Variants in NKAIN3 observed in about 807,000 individuals in gnomAD.
The protein encoded by NKAIN3 is sodium/potassium-transporting ATPase subunit beta-1-interacting protein 3.
NKAIN3 carries 25 observed loss-of-function variants against 30.2 expected under a neutral mutation model. That is an observed-to-expected ratio of 0.83 (90% CI 0.60 to 1.16). The LOEUF (loss-of-function observed/expected upper bound fraction) is 1.16, where lower values mean the gene tolerates loss of function less well. Among genes scored for constraint, NKAIN3 ranks in the 50% most tolerant of loss-of-function variants. The pLI, the probability that NKAIN3 is intolerant of heterozygous loss-of-function variation, is 0.00. For synonymous variants in NKAIN3, 91 were observed against 89.6 expected (o/e 1.02, Z -0.09); for missense variants, 225 against 254.1 (o/e 0.89, Z 0.78).
At chr8:62,991,351 A>ATGTATTTGTATTTTAAAG (rs1374616738) in intron 5 of NKAIN3, among the ~76,000 whole-genome samples, 1 of 152,194 alleles carries the variant, frequency 6.6e-6, no homozygotes, top group Non-Finnish European at 1.5e-5. Flanking sequence ...AAATACTAGG[A>ATGTATTTGTATTTTAAAG]ACTGCATGTA....
At chr8:62,431,460 C>A (rs914372267) in intron 1 of NKAIN3, among the ~76,000 whole-genome samples, 1 of 151,718 alleles carries the variant, frequency 6.6e-6, no homozygotes, top group Non-Finnish European at 1.5e-5. Context: ...TGGCTGAACC[C>A]ATTTGTGCTA....
intron 6 of NKAIN3, among the ~76,000 whole-genome samples, chr8:62,958,795 T>C (rs933465174): frequency 6.6e-6 from 1 of 152,166 alleles, no homozygotes; most frequent in Non-Finnish European, 1.5e-5. Context: ...AAGATTAAGC[T>C]CCATGTAGCA....
chr8:62,741,067 T>G (rs1815851777), intron 3 of NKAIN3, among the ~76,000 whole-genome samples: 1 of 152,070 alleles, frequency 6.6e-6, no homozygotes, highest in Non-Finnish European at 1.5e-5. Context: ...CTTAGTTTCT[T>G]TATGTCCTTG....
chr8:62,567,262 G>A (rs912590769), intron 1 of NKAIN3, among the ~76,000 whole-genome samples: 2 of 152,054 alleles, frequency 1.3e-5, no homozygotes, highest in Non-Finnish European at 2.9e-5. Context: ...GTTGGAAGAA[G>A]AAAAAGAGAG....
chr8:62,884,706 T>C (rs901375104), intron 4 of NKAIN3, among the ~76,000 whole-genome samples: 29 of 152,328 alleles, frequency 1.9e-4, no homozygotes, highest in African/African-American at 6.0e-4. Context: ...TTTCTTCTTG[T>C]GTGAATTTTG....
At chr8:62,301,915 C>T (rs1156297869) in intron 1 of NKAIN3, among the ~76,000 whole-genome samples, 1 of 152,032 alleles carries the variant, frequency 6.6e-6, no homozygotes, top group East Asian at 1.9e-4. Flanking sequence ...TCTATTTCAT[C>T]TTGGAAAGCC....
intron 1 of NKAIN3, among the ~76,000 whole-genome samples, chr8:62,480,508 T>G (rs1487032508): frequency 1.4e-5 from 2 of 145,962 alleles, no homozygotes. Flanking sequence ...ACTTGGCTAG[T>G]TAGGAAGGAA....
chr8:62,393,348 GA>G (rs899294425), intron 1 of NKAIN3, among the ~76,000 whole-genome samples: 2 of 151,792 alleles, frequency 1.3e-5, no homozygotes, highest in African/African-American at 4.8e-5. Flanking sequence ...TCCATTTATT[GA>G]AAACACGATC....
At chr8:62,462,773 G>T (rs1806037162) in intron 1 of NKAIN3, among the ~76,000 whole-genome samples, 1 of 152,128 alleles carries the variant, frequency 6.6e-6, no homozygotes, top group South Asian at 2.1e-4. Context: ...TGTGTTTCTG[G>T]TTCCTGGGGT....
intron 1 of NKAIN3, among the ~76,000 whole-genome samples, chr8:62,439,439 T>C (rs1167710030): frequency 1.3e-5 from 2 of 152,172 alleles, no homozygotes; most frequent in African/African-American, 4.8e-5. Context: ...ATTTAGCAGG[T>C]GTTTGAGCCT....
At position 62,690,078 on chromosome 8, in the gene NKAIN3, C is replaced by T. The variant is rs192719153; in HGVS notation, c.274-56854C>T. Among the ~76,000 whole-genome samples the T allele has an allele frequency of 3.3e-5, 5 of 152,298 alleles. No homozygotes were observed. The East Asian group carries it at 9.6e-4, about 29-fold the overall frequency. ...TCTTTAAGTTCGGCTCCGTTCTTGA[C>T]CCACCCCACCCATCTGAATTAGCTT... On this transcript the variant is annotated intron_variant, in intron 3 of 6. Coordinates refer to ENST00000623646, the MANE Select transcript of NKAIN3 (RefSeq NM_001304533.3).
intron 4 of NKAIN3, among the ~76,000 whole-genome samples, chr8:62,900,012 C>T (rs1479823012): frequency 7.1e-6 from 1 of 141,026 alleles, no homozygotes; most frequent in African/African-American, 2.7e-5. Flanking sequence ...CACTTATACC[C>T]CTAAAGCTAC....
At chr8:62,417,331 T>C (rs567393622) in intron 1 of NKAIN3, among the ~76,000 whole-genome samples, 1 of 152,314 alleles carries the variant, frequency 6.6e-6, no homozygotes. Flanking sequence ...TGAATAGTAC[T>C]CCATTGTGTA....
chr8:62,838,881 A>T (rs1819447232), intron 4 of NKAIN3, among the ~76,000 whole-genome samples: 1 of 152,140 alleles, frequency 6.6e-6, no homozygotes, highest in African/African-American at 2.4e-5. Context: ...AAAATAAAAG[A>T]GTGATTTTTT....
intron 3 of NKAIN3, among the ~76,000 whole-genome samples, chr8:62,654,191 T>G (rs1336112545): frequency 6.6e-6 from 1 of 151,680 alleles, no homozygotes; most frequent in Non-Finnish European, 1.5e-5. Flanking sequence ...ACAATTGAGT[T>G]CATAAAAATT....
intron 1 of NKAIN3, among the ~76,000 whole-genome samples, chr8:62,270,376 C>G (rs534440813): frequency 1.3e-4 from 20 of 152,002 alleles, no homozygotes; most frequent in Non-Finnish European, 2.4e-4. Context: ...GCCCCTGGGC[C>G]CAGCCCATAT....
intron 4 of NKAIN3, among the ~76,000 whole-genome samples, chr8:62,804,350 AAG>A (rs1818193615): frequency 6.6e-6 from 1 of 152,214 alleles, no homozygotes; most frequent in Admixed American, 6.5e-5. Flanking sequence ...ACAACCAAAA[AAG>A]AGAATTTTAG....
At chr8:62,268,829 G>C (rs898706713) in intron 1 of NKAIN3, among the ~76,000 whole-genome samples, 1 of 152,088 alleles carries the variant, frequency 6.6e-6, no homozygotes, top group Non-Finnish European at 1.5e-5. Context: ...GTATGGTTCT[G>C]GTTGGGTAGC....
At chr8:62,379,104 G>A (rs1817186665) in intron 1 of NKAIN3, among the ~76,000 whole-genome samples, 1 of 152,180 alleles carries the variant, frequency 6.6e-6, no homozygotes, top group South Asian at 2.1e-4. Context: ...AAGGAGATAA[G>A]TTTGGAAATT....
Sources: gnomAD v4.1 joint callset for allele counts (sites outside exome capture counted in the v4.1 genomes callset) on GRCh38, gnomAD v4.1.1 for gene constraint, MANE v1.5 for transcripts, NCBI Gene and HGNC (gene_info 2026-07-23, HGNC 2026-07-21) for gene names.